NUP35: variants seen among roughly 807,000 people sequenced by gnomAD.
NUP35 encodes the protein nucleoporin 35.
NUP35 carries 25 observed loss-of-function variants against 41.5 expected under a neutral mutation model. The ratio of observed to expected loss-of-function variants is 0.60; its 90% CI spans 0.44 to 0.84. The LOEUF is 0.84. Ranked by LOEUF, NUP35 falls within the 40% of genes least tolerant of loss-of-function variation. NUP35 has a pLI of 0.00. For synonymous variants in NUP35, 149 were observed against 130.7 expected, an observed-to-expected ratio of 1.14 and a Z score of -0.96; for missense variants, 396 against 396.6, an observed-to-expected ratio of 1.00 and a Z score of 0.01.
intron 4 of NUP35, among the ~76,000 whole-genome samples, chr2:183,136,935 T>C (rs543256112): frequency 1.3e-5 from 2 of 151,852 alleles, no homozygotes; most frequent in Admixed American, 6.6e-5. Context: ...AGTAAAAATA[T>C]AAAAATTAGC....
At chr2:183,135,844 CAG>C (rs764118771) in intron 4 of NUP35, among the ~76,000 whole-genome samples, 3 of 150,102 alleles carry the variant, frequency 2.0e-5, no homozygotes, top group Non-Finnish European at 4.4e-5. Flanking sequence ...GCTTGGGTGA[CAG>C]AACAAGACCC....
At chr2:183,122,663 G>A (rs1362623120), upstream of NUP35, among the ~76,000 whole-genome samples, 1 of 151,928 alleles carries the variant, frequency 6.6e-6, no homozygotes, top group Non-Finnish European at 1.5e-5. Flanking sequence ...TAGAGAAGTG[G>A]GGTCTCACTA....
intron 5 of NUP35, 151 bp downstream of exon 5, chr2:183,151,800 G>T: frequency 1.5e-6 from 1 of 646,484 alleles, no homozygotes; most frequent in Non-Finnish European, 2.5e-6. Flanking sequence ...TGCTACATTT[G>T]CTTTGTCATT....
chr2:183,156,461 G>A (rs1160834270), intron 5 of NUP35, among the ~76,000 whole-genome samples: 2 of 152,000 alleles, frequency 1.3e-5, no homozygotes, highest in African/African-American at 2.4e-5. Flanking sequence ...TGCCTCAGCC[G>A]CCTGAGTAGC....
rs917871468 is a variant in NUP35 at position 183,156,402 on chromosome 2, C to T, written c.540-1042C>T. 5.9e-5 allele frequency among the ~76,000 whole-genome samples: 9 copies of T among 152,284 alleles called. No individual in the cohort carries two copies. In the South Asian group the frequency reaches 6.2e-4, roughly 11 times the overall value. On this transcript the variant is annotated intron_variant, in intron 5 of 8. Coordinates refer to ENST00000295119, the MANE Select transcript of NUP35 (RefSeq NM_138285.5). Reference sequence around the variant, plus strand: ...GTCACCCGGCTGGAGTGCAGTGGCACGATCTTGGCGCATTGCAACCTTTCC... The same window carrying T: ...GTCACCCGGCTGGAGTGCAGTGGCATGATCTTGGCGCATTGCAACCTTTCC...
At chr2:183,124,393 A>G, upstream of NUP35, 1 of 1,613,734 alleles carries the variant, frequency 6.2e-7, no homozygotes, top group East Asian at 2.2e-5. Context: ...ACCCGTGGGG[A>G]GCGTTTCCGC....
chr2:183,153,273 T>C (rs1228195314), intron 5 of NUP35, among the ~76,000 whole-genome samples: 1 of 152,184 alleles, frequency 6.6e-6, no homozygotes, highest in Non-Finnish European at 1.5e-5. Flanking sequence ...CTAAATCTCA[T>C]GTCCTCACGT....
chr2:183,130,306 T>A (rs1684651007), intron 2 of NUP35, 112 bp from the exon 3 acceptor site: 1 of 1,160,910 alleles, frequency 8.6e-7, no homozygotes, highest in Non-Finnish European at 1.2e-6. Flanking sequence ...ATATTAAAGT[T>A]TGAAAAGAAC....
chr2:183,138,337 A>C (rs763747700), intron 4 of NUP35, among the ~76,000 whole-genome samples: 7 of 141,412 alleles, frequency 5.0e-5, no homozygotes, highest in Admixed American at 1.5e-4. Flanking sequence ...AGTAAATCTT[A>C]GCTTTCTGAG....
intron 8 of NUP35, 184 bp downstream of exon 8, chr2:183,159,836 T>A: frequency 2.1e-6 from 1 of 483,666 alleles, no homozygotes; most frequent in Non-Finnish European, 3.5e-6. Context: ...ATTGGAAAGT[T>A]ATCATGAATT....
rs745635571 is a variant in NUP35, at chr2:183,151,527, A to G, written c.417A>G (p.Pro139=). The G allele has an allele frequency of 4.3e-6, 7 of 1,614,056 alleles. No individual in the cohort carries two copies. Among genetic ancestry groups the G allele is most frequent in the Admixed American group, 1.7e-5 (1 of 60,028 alleles). Residue 139 remains proline, a synonymous_variant, in exon 5 of 9, where the codon CCA becomes CCG. Coordinates refer to ENST00000295119, the MANE Select transcript of NUP35 (RefSeq NM_138285.5). ...ATATAGGGCAAAGTATGTTTAGTCC[A>G]GCAAGTATCGGTCAGCCACGAAAGA... ...TPGTGQSMFS[P]ASIGQPRKTT...
chr2:183,124,735 G>A (rs1700125420), intron 1 of NUP35, among the ~76,000 whole-genome samples: 1 of 152,180 alleles, frequency 6.6e-6, no homozygotes, highest in African/African-American at 2.4e-5. Flanking sequence ...AGGCCGTCTG[G>A]CGGTGACTGA....
chr2:183,135,456 A>G (rs534828571), intron 4 of NUP35, among the ~76,000 whole-genome samples: 1 of 152,302 alleles, frequency 6.6e-6, no homozygotes, highest in South Asian at 2.1e-4. Flanking sequence ...GGGCAGATGT[A>G]TTACATGGCC....
intron 4 of NUP35, among the ~76,000 whole-genome samples, chr2:183,145,479 T>C (rs959701843): frequency 2.0e-5 from 3 of 152,198 alleles, no homozygotes; most frequent in African/African-American, 4.8e-5. Flanking sequence ...TATTAAATGC[T>C]TCTGTGGTGA....
At chr2:183,129,201 C>T (rs376942219) in intron 2 of NUP35, among the ~76,000 whole-genome samples, 9 of 146,080 alleles carry the variant, frequency 6.2e-5, no homozygotes, top group African/African-American at 2.4e-4. Context: ...TCACATATAG[C>T]GTGTTTAAGG....
chr2:183,140,200 G>A (rs1238745170), intron 4 of NUP35, among the ~76,000 whole-genome samples: 2 of 152,114 alleles, frequency 1.3e-5, no homozygotes, highest in African/African-American at 4.8e-5. Context: ...ATGTTAGCAG[G>A]ACTGCATTCC....
chr2:183,150,653 T>G (rs1460925278), intron 4 of NUP35, among the ~76,000 whole-genome samples: 1 of 152,200 alleles, frequency 6.6e-6, no homozygotes, highest in Non-Finnish European at 1.5e-5. Flanking sequence ...CATTAAGTAT[T>G]TACTTATTTG....
At chr2:183,120,372 G>T (rs1402989500), upstream of NUP35, among the ~76,000 whole-genome samples, 1 of 151,650 alleles carries the variant, frequency 6.6e-6, no homozygotes, top group Non-Finnish European at 1.5e-5. Context: ...CTTGAACACG[G>T]GAGGCAGATG....
exon 1 of NUP35, chr2:183,117,547 A>C (rs1700005584): frequency 6.6e-6 from 1 of 152,356 alleles, no homozygotes. Context: ...CGGTGAGAGC[A>C]TGAGTGATAA....
Sources: allele counts gnomAD v4.1 joint callset (sites outside exome capture counted in the v4.1 genomes callset), GRCh38; gene constraint gnomAD v4.1.1; transcripts MANE v1.5; gene names NCBI Gene and HGNC (gene_info 2026-07-23, HGNC 2026-07-21).